The following RAPGEF2 variants were observed in gnomAD, a reference collection of about 807,000 sequenced individuals.
RAPGEF2 encodes the protein PDZ domain containing guanine nucleotide exchange factor (GEF) 1.
RAPGEF2 carries 54 observed loss-of-function variants against 186.7 expected under a neutral mutation model. The observed-to-expected ratio is 0.29, with a 90% confidence interval of 0.23 to 0.36. The LOEUF (loss-of-function observed/expected upper bound fraction) is 0.36, where lower values mean the gene tolerates loss of function less well. RAPGEF2 is among the 10% of genes least tolerant of loss of function. The pLI is 1.00. For synonymous variants in RAPGEF2, 712 were observed against 705.9 expected (o/e 1.01, Z -0.14); for missense variants, 1,532 against 2,045.0 (o/e 0.75, Z 4.84).
At chr4:159,267,234 A>G (rs1757537698) in intron 7 of RAPGEF2, 2 of 1,289,084 alleles carry the variant, frequency 1.6e-6, no homozygotes, top group Non-Finnish European at 2.0e-6. Flanking sequence ...TTATTTAGAA[A>G]AGGAAGCTTT....
chr4:159,304,348 G>A lies in RAPGEF2; in HGVS notation c.550G>A (p.Ala184Thr), dbSNP rs1763030555. The A allele has an allele frequency of 1.2e-6, 2 of 1,604,202 alleles. No homozygotes were observed. Among genetic ancestry groups the A allele is most frequent in the African/African-American group, 1.3e-5 (1 of 74,778 alleles). The change falls in exon 8 of 30, where the codon GCA (alanine) becomes ACA (threonine). Residue 184 changes from alanine (A) to threonine (T), a missense_variant. Transcript: ENST00000691494. ...TTTCCTGCTCCTTCCATAGCTTCCT[G>A]CAGATTTCACAAAACTGCATCTTAC... ...HTECTKSQLP[A>T]DFTKLHLTDS...
chr4:159,123,810 G>T (rs532484061), intron 1 of RAPGEF2, among the ~76,000 whole-genome samples: 1 of 150,430 alleles, frequency 6.6e-6, no homozygotes, highest in Non-Finnish European at 1.5e-5. Context: ...GAGCCACCTC[G>T]CCTGGCTGGA....
intron 13 of RAPGEF2, 89 bp from the exon 14 acceptor site, chr4:159,331,342 A>T: frequency 1.4e-6 from 1 of 707,272 alleles, no homozygotes. Flanking sequence ...TAGGTAAATT[A>T]TTTGAAAGTT....
chr4:159,222,662 G>A (rs1751652348), intron 4 of RAPGEF2, among the ~76,000 whole-genome samples: 1 of 152,160 alleles, frequency 6.6e-6, no homozygotes, highest in South Asian at 2.1e-4. Context: ...GGGATAGAGG[G>A]ATGTGTGAGT....
chr4:159,296,635 T>A (rs1330660417), intron 7 of RAPGEF2, among the ~76,000 whole-genome samples: 1 of 152,196 alleles, frequency 6.6e-6, no homozygotes, highest in Admixed American at 6.5e-5. Flanking sequence ...TACCTATTTT[T>A]TAAGAGTGTT....
At chr4:159,314,038 T>G (rs777599042) in intron 8 of RAPGEF2, among the ~76,000 whole-genome samples, 7 of 152,354 alleles carry the variant, frequency 4.6e-5, no homozygotes, top group South Asian at 2.1e-4. Flanking sequence ...GCGTATGGTC[T>G]CCTATAGTGT....
At chr4:159,226,521 A>G (rs560427427) in intron 4 of RAPGEF2, among the ~76,000 whole-genome samples, 5 of 152,258 alleles carry the variant, frequency 3.3e-5, no homozygotes, top group African/African-American at 1.2e-4. Flanking sequence ...AATGTTTGTT[A>G]GGATTTGGTT....
At chr4:159,263,405 A>G (rs1757094049) in intron 7 of RAPGEF2, among the ~76,000 whole-genome samples, 1 of 152,184 alleles carries the variant, frequency 6.6e-6, no homozygotes, top group African/African-American at 2.4e-5. Flanking sequence ...TTTGGGGGGA[A>G]CAGTGAAACA....
In RAPGEF2 at chr4:159,187,231, G is replaced by C. The variant is rs185863149; in HGVS notation, c.140+519G>C. On this transcript the variant is annotated intron_variant, in intron 2 of 29. Coordinates refer to ENST00000691494, the MANE Select transcript of RAPGEF2 (RefSeq NM_001394067.2). ...GTATCCAGTAAGAGAATAATATTTT[G>C]ACATTTCTGTCATAGTTATATTCTT... 2.2e-3 allele frequency among the ~76,000 whole-genome samples: 330 copies of C among 152,154 alleles called. 2 individuals carry two copies. The highest frequency in any genetic ancestry group is 7.4e-3 in the African/African-American group (306 of 41,534).
At chr4:159,343,735 A>C (rs1729875110) in intron 22 of RAPGEF2, among the ~76,000 whole-genome samples, 1 of 152,248 alleles carries the variant, frequency 6.6e-6, no homozygotes, top group South Asian at 2.1e-4. Flanking sequence ...TAAATACCCC[A>C]AATAGTCTTG....
intron 7 of RAPGEF2, among the ~76,000 whole-genome samples, chr4:159,294,831 G>A (rs1238343755): frequency 1.3e-5 from 2 of 152,122 alleles, no homozygotes; most frequent in Non-Finnish European, 2.9e-5. Context: ...CCAAGTAGCT[G>A]GGAGGTGCAT....
At chr4:159,207,764 A>AT (rs906314736) in intron 3 of RAPGEF2, among the ~76,000 whole-genome samples, 83 of 152,104 alleles carry the variant, frequency 5.5e-4, no homozygotes, top group Non-Finnish European at 1.1e-3. Flanking sequence ...TTTACAGAGT[A>AT]TTTTTTTTCC....
chr4:159,356,310 G>T (rs1732001315), intron 29 of RAPGEF2, 152 bp downstream of exon 29: 1 of 825,566 alleles, frequency 1.2e-6, no homozygotes, highest in Non-Finnish European at 1.8e-6. Flanking sequence ...CAAATTTAGG[G>T]TTACAGCTGT....
intron 17 of RAPGEF2, chr4:159,332,949 T>C: frequency 4.0e-6 from 1 of 247,328 alleles, no homozygotes; most frequent in Non-Finnish European, 7.6e-6. Flanking sequence ...GGTTTGGACT[T>C]TTTAGTTTAT....
intron 25 of RAPGEF2, among the ~76,000 whole-genome samples, chr4:159,347,865 C>T (rs531289903): frequency 6.6e-6 from 1 of 152,266 alleles, no homozygotes. Context: ...AAAATGTACA[C>T]CTTCTTTTTT....
At chr4:159,236,444 A>G (rs1753265844) in intron 4 of RAPGEF2, among the ~76,000 whole-genome samples, 1 of 152,238 alleles carries the variant, frequency 6.6e-6, no homozygotes. Context: ...AGATTTATAT[A>G]TAAAATAAAT....
chr4:159,169,641 A>G (rs1054886005), intron 1 of RAPGEF2, among the ~76,000 whole-genome samples: 5 of 151,724 alleles, frequency 3.3e-5, no homozygotes, highest in Non-Finnish European at 7.4e-5. Context: ...TGTGAATTCA[A>G]CTTCTCTAGA....
At chr4:159,305,088 C>A (rs1322615952) in intron 8 of RAPGEF2, among the ~76,000 whole-genome samples, 3 of 152,138 alleles carry the variant, frequency 2.0e-5, no homozygotes, top group African/African-American at 7.2e-5. Context: ...CATTGATGAA[C>A]ACTTTGGTTG....
chr4:159,350,701 T>C (rs1017443262), intron 26 of RAPGEF2, among the ~76,000 whole-genome samples: 5 of 152,214 alleles, frequency 3.3e-5, no homozygotes, highest in African/African-American at 9.7e-5. Flanking sequence ...TTGATTACCT[T>C]TTTGGTTGCT....
Sources: allele counts gnomAD v4.1 joint callset (sites outside exome capture counted in the v4.1 genomes callset), GRCh38; gene constraint gnomAD v4.1.1; transcripts MANE v1.5; gene names NCBI Gene and HGNC (gene_info 2026-07-23, HGNC 2026-07-21).